Variants in ENPEP observed in about 807,000 individuals in gnomAD.
ENPEP encodes the protein glutamyl aminopeptidase.
ENPEP carries 103 observed loss-of-function variants against 114.5 expected under a neutral mutation model. That is an observed-to-expected ratio of 0.90 (90% CI 0.77 to 1.06). The LOEUF (loss-of-function observed/expected upper bound fraction) is 1.06. ENPEP is among the 50% of genes least tolerant of loss of function. ENPEP has a pLI of 0.00. For missense variants in ENPEP, 1,196 were observed against 1,161.3 expected, an observed-to-expected ratio of 1.03 and a Z score of -0.43; for synonymous variants, 420 against 422.0, an observed-to-expected ratio of 1.00 and a Z score of 0.06.
At chr4:110,505,933 A>C (rs1725354840) in intron 3 of ENPEP, among the ~76,000 whole-genome samples, 1 of 152,184 alleles carries the variant, frequency 6.6e-6, no homozygotes, top group Non-Finnish European at 1.5e-5. Context: ...TGGGGACAAA[A>C]ATCTGTACTT....
At position 110,513,473 on chromosome 4, in the gene ENPEP, C is replaced by T; in HGVS notation, c.1367C>T (p.Ser456Phe). 1.9e-6 allele frequency: 3 copies of T among 1,613,402 alleles called. No individual in the cohort carries two copies. The highest frequency in any genetic ancestry group is 2.5e-6 in the Non-Finnish European group (3 of 1,179,596). ...LPVQEDDSLMSSHPIIVTVTT... is the reference protein window; with the variant it reads ...LPVQEDDSLMFSHPIIVTVTT... The stretch of plus-strand genomic sequence containing the variant: ...GTTCAAGAGGATGATTCTTTGATGT[C>T]TTCGCATCCAATTATTGTGACTGTG... The change falls in exon 7 of 20, where the codon TCT (serine) becomes TTT (phenylalanine). Residue 456 changes from serine to phenylalanine, a missense_variant. Coordinates refer to ENST00000265162, the MANE Select transcript of ENPEP (RefSeq NM_001977.4).
At chr4:110,495,448 C>T (rs1442686930) in intron 3 of ENPEP, among the ~76,000 whole-genome samples, 1 of 152,216 alleles carries the variant, frequency 6.6e-6, no homozygotes, top group East Asian at 1.9e-4. Context: ...TGGCCGGGCG[C>T]GGTGGCTCAT....
intron 14 of ENPEP, 124 bp downstream of exon 14, chr4:110,548,450 G>A: frequency 2.7e-6 from 2 of 730,342 alleles, no homozygotes; most frequent in Non-Finnish European, 4.0e-6. Context: ...GGAATCAAAA[G>A]AAAGTGCAAT....
At chr4:110,481,729 T>A (rs370928660) in intron 1 of ENPEP, among the ~76,000 whole-genome samples, 2 of 152,190 alleles carry the variant, frequency 1.3e-5, no homozygotes, top group Non-Finnish European at 2.9e-5. Context: ...TATATGTGTA[T>A]GTATATATAT....
intron 3 of ENPEP, among the ~76,000 whole-genome samples, chr4:110,504,151 G>A (rs899376827): frequency 6.6e-6 from 1 of 152,126 alleles, no homozygotes; most frequent in African/African-American, 2.4e-5. Flanking sequence ...GCTTTTCACC[G>A]GTCTTTTGGA....
chr4:110,509,753 C>T lies in ENPEP; in HGVS notation c.1140C>T (p.Ala380=), dbSNP rs201395725. 1 of 1,614,188 alleles carries T rather than the reference C, an allele frequency of 6.2e-7. No individual in the cohort carries two copies. The highest frequency in any genetic ancestry group is 8.5e-7 in the Non-Finnish European group (1 of 1,180,032). ...TNLLYDPKES[A]SSNQQRVATV... is the part of the protein sequence containing the mutation. ...TGCTTTATGACCCTAAGGAATCAGC[C>T]TCATCAAACCAACAGAGGGTGGCCA... Residue 380 remains alanine (A), a synonymous_variant, in exon 5 of 20, where the codon GCC becomes GCT. Coordinates refer to ENST00000265162, the MANE Select transcript of ENPEP (RefSeq NM_001977.4).
Position 110,542,868 on chromosome 4 carries a change from C to A in ENPEP, c.1925C>A (p.Ala642Glu), listed in dbSNP as rs778486245. 3.1e-6 allele frequency: 5 copies of A among 1,613,058 alleles called. No individual in the cohort carries two copies. In the South Asian group the frequency reaches 5.5e-5, roughly 18 times the overall value. ...GCAACTTGGGACTCGATAGCTACAGCGCTCTCCTTGAACCACAAGGTAAGA... is the reference window on the plus strand; with the variant it reads ...GCAACTTGGGACTCGATAGCTACAGAGCTCTCCTTGAACCACAAGGTAAGA... ...EVATWDSIAT[A>E]LSLNHKTFSS... is the part of the protein sequence containing the mutation. The change falls in exon 12 of 20, where the codon GCG becomes GAG. Residue 642 changes from alanine (A) to glutamate (E), a missense_variant. By Grantham distance (107) the Ala-to-Glu change is moderately radical. Coordinates refer to ENST00000265162, the MANE Select transcript of ENPEP (RefSeq NM_001977.4).
intron 3 of ENPEP, among the ~76,000 whole-genome samples, chr4:110,494,166 G>C (rs565309603): frequency 1.4e-4 from 21 of 152,286 alleles, no homozygotes; most frequent in African/African-American, 3.9e-4. Flanking sequence ...CCAAAGCATG[G>C]CTTGGGTCTG....
At chr4:110,551,455 A>G (rs1727281689) in intron 17 of ENPEP, among the ~76,000 whole-genome samples, 1 of 152,182 alleles carries the variant, frequency 6.6e-6, no homozygotes, top group African/African-American at 2.4e-5. Flanking sequence ...AACCATTTAC[A>G]GAGTCTTCCA....
At chr4:110,510,470 G>T in intron 6 of ENPEP, 112 bp downstream of exon 6, 1 of 882,300 alleles carries the variant, frequency 1.1e-6, no homozygotes. Flanking sequence ...AGTGGTGAGC[G>T]GGGAATTCCA....
At chr4:110,555,513 C>T (rs1379562553) in intron 18 of ENPEP, among the ~76,000 whole-genome samples, 1 of 151,946 alleles carries the variant, frequency 6.6e-6, no homozygotes, top group African/African-American at 2.4e-5. Context: ...CTGCTAATGT[C>T]CTTGCCAGTT....
At chr4:110,479,747 T>A (rs1374670701) in intron 1 of ENPEP, among the ~76,000 whole-genome samples, 2 of 152,202 alleles carry the variant, frequency 1.3e-5, no homozygotes, top group African/African-American at 4.8e-5. Context: ...CAAGACTTTT[T>A]AAATATTATT....
intron 13 of ENPEP, among the ~76,000 whole-genome samples, chr4:110,543,449 A>T (rs1449939077): frequency 6.6e-6 from 1 of 152,116 alleles, no homozygotes; most frequent in East Asian, 1.9e-4. Flanking sequence ...GCCCGAGCCC[A>T]GTGTAAGATT....
chr4:110,530,233 T>A (rs577793984), intron 10 of ENPEP, among the ~76,000 whole-genome samples: 14 of 152,270 alleles, frequency 9.2e-5, no homozygotes, highest in Admixed American at 6.5e-4. Context: ...GAGCTGATTT[T>A]AAAAAAACTC....
chr4:110,548,411 G>A (rs900155254), intron 14 of ENPEP, 85 bp downstream of exon 14: 2 of 1,209,868 alleles, frequency 1.7e-6, no homozygotes, highest in African/African-American at 1.6e-5. Flanking sequence ...GGAGCTCTTG[G>A]GGACCTAAAC....
At chr4:110,501,837 G>C (rs866897087) in intron 3 of ENPEP, among the ~76,000 whole-genome samples, 2 of 152,176 alleles carry the variant, frequency 1.3e-5, no homozygotes, top group Non-Finnish European at 1.5e-5. Context: ...TGGTAATTCT[G>C]CTTTAGTTCT....
chr4:110,504,072 A>C (rs1278879126), intron 3 of ENPEP, among the ~76,000 whole-genome samples: 1 of 152,186 alleles, frequency 6.6e-6, no homozygotes, highest in South Asian at 2.1e-4. Context: ...GAGCAAGCTC[A>C]GGCTTTATGC....
At chr4:110,521,606 TA>T (rs1725993065) in intron 10 of ENPEP, among the ~76,000 whole-genome samples, 2 of 151,768 alleles carry the variant, frequency 1.3e-5, no homozygotes, top group African/African-American at 4.8e-5. Flanking sequence ...GATGCATAAT[TA>T]AGGAAACAAA....
intron 18 of ENPEP, among the ~76,000 whole-genome samples, chr4:110,558,666 C>A (rs1482202016): frequency 2.0e-5 from 3 of 152,070 alleles, no homozygotes; most frequent in African/African-American, 7.2e-5. Flanking sequence ...CCTCAACATT[C>A]CAGGGGTTTA....
Sources: allele counts gnomAD v4.1 joint callset (sites outside exome capture counted in the v4.1 genomes callset), GRCh38; gene constraint gnomAD v4.1.1; transcripts MANE v1.5; gene names NCBI Gene and HGNC (gene_info 2026-07-23, HGNC 2026-07-21).